GSPT1: variants seen among roughly 807,000 people sequenced by gnomAD.
GSPT1 encodes the protein eukaryotic peptide chain release factor GTP-binding subunit ERF3A.
In GSPT1, 20 loss-of-function variants were observed where a neutral mutation model predicts 72.5. The observed-to-expected ratio is 0.28, with a 90% CI of 0.19 to 0.40. The LOEUF is 0.40. GSPT1 is among the 10% of genes least tolerant of loss of function. The pLI is 1.00. For missense variants in GSPT1, 580 were observed against 811.9 expected, an observed-to-expected ratio of 0.71 and a Z score of 3.47; for synonymous variants, 334 against 293.5, an observed-to-expected ratio of 1.14 and a Z score of -1.41.
rs2141292592 is a variant in GSPT1, at chr16:11,891,114, T to G, written c.724A>C (p.Arg242=). 6.6e-7 allele frequency: 1 copy of G among 1,504,054 alleles called. No homozygotes were observed. The highest frequency in any genetic ancestry group is 2.5e-5 in the East Asian group (1 of 40,264). The allele number at this position is 1,504,054 out of a possible 1,614,324, so 93.2% of individuals were successfully genotyped here. Reference sequence around the variant, plus strand: ...TCTCTTTCATACTTTTCAAGCGTCCTTTTGTCAACCATTCCAGTCAAATAC... The same window carrying G: ...TCTCTTTCATACTTTTCAAGCGTCCGTTTGTCAACCATTCCAGTCAAATAC... ...IMYLTGMVDK[R]TLEKYEREAK... Residue 242 remains arginine, a synonymous_variant, in exon 6 of 15, where the codon AGG becomes CGG. Transcript: ENST00000434724.
At chr16:11,901,926 A>G (rs1343733395) in intron 1 of GSPT1, among the ~76,000 whole-genome samples, 3 of 151,252 alleles carry the variant, frequency 2.0e-5, no homozygotes, top group Non-Finnish European at 4.4e-5. Context: ...GGAAACCCCA[A>G]CTCTACTAAA....
At chr16:11,885,350 G>A (rs1442081657) in intron 9 of GSPT1, 76 bp from the exon 10 acceptor site, 1 of 717,676 alleles carries the variant, frequency 1.4e-6, no homozygotes, top group Admixed American at 2.1e-5. Context: ...ACTATAAACA[G>A]CTTCTAATAA....
chr16:11,898,205 C>G (rs1226037557), intron 1 of GSPT1, among the ~76,000 whole-genome samples, 170 bp from the exon 2 acceptor site: 1 of 152,198 alleles, frequency 6.6e-6, no homozygotes, highest in Admixed American at 6.5e-5. Flanking sequence ...CTCTGCTTAA[C>G]CTACTTTTCA....
intron 1 of GSPT1, 193 bp downstream of exon 1, chr16:11,915,176 G>A: frequency 2.9e-6 from 3 of 1,039,130 alleles, no homozygotes; most frequent in Non-Finnish European, 3.5e-6. Flanking sequence ...TCCGCTCCCC[G>A]CCCGGCCACC....
At position 11,887,820 on chromosome 16, in the gene GSPT1, T is replaced by C. The variant is rs1031952633; in HGVS notation, c.777-70A>G. On this transcript the variant is annotated intron_variant, in intron 6 of 14. Coordinates refer to ENST00000434724, the MANE Select transcript of GSPT1 (RefSeq NM_002094.4). ...GAGTTTTTAGGATATTCTTCACCATTAAAGATATAATGGATGACACACAAC... is the reference window on the plus strand; with the variant it reads ...GAGTTTTTAGGATATTCTTCACCATCAAAGATATAATGGATGACACACAAC... 3.9e-6 allele frequency: 4 copies of C among 1,028,452 alleles called. No homozygotes were observed. The East Asian group carries it at 9.5e-5, about 24-fold the overall frequency. The allele number at this position is 1,028,452 out of a possible 1,614,324, so 63.7% of individuals were successfully genotyped here.
intron 10 of GSPT1, among the ~76,000 whole-genome samples, chr16:11,883,955 T>C (rs1018361268): frequency 6.6e-6 from 1 of 151,898 alleles, no homozygotes; most frequent in South Asian, 2.1e-4. Context: ...GAAGTTTATG[T>C]TGGAAGATCT....
At chr16:11,911,965 T>A (rs2054564370) in intron 1 of GSPT1, among the ~76,000 whole-genome samples, 1 of 143,744 alleles carries the variant, frequency 7.0e-6, no homozygotes. Flanking sequence ...AGTGTTGGGT[T>A]TATAAGTGTG....
intron 1 of GSPT1, among the ~76,000 whole-genome samples, chr16:11,901,654 T>C (rs2054408109): frequency 2.0e-5 from 3 of 150,882 alleles, no homozygotes; most frequent in African/African-American, 7.3e-5. Context: ...AGGCTAGACA[T>C]GGTGGCTCAT....
At chr16:11,882,142 A>G (rs993074122) in intron 11 of GSPT1, 1 of 152,228 alleles carries the variant, frequency 6.6e-6, no homozygotes, top group African/African-American at 2.4e-5. Context: ...TTAGCCAGAT[A>G]TGGTGATGCA....
chr16:11,915,537 T>C lies in GSPT1; in HGVS notation c.184A>G (p.Ser62Gly). The change falls in exon 1 of 15, where the codon AGC becomes GGC. Residue 62 changes from serine (S) to glycine (G), a missense_variant. Physicochemically the swap from Ser to Gly is moderately conservative, Grantham distance 56. Transcript: ENST00000434724. Reference protein sequence around the residue: ...AAAEAQRENLSAAFSRQLNVN... With the variant: ...AAAEAQRENLGAAFSRQLNVN... ...TTGAGTTGCCGGCTGAAGGCCGCGCTGAGGTTCTCCCGCTGGGCCTCGGCC... is the reference window on the plus strand; with the variant it reads ...TTGAGTTGCCGGCTGAAGGCCGCGCCGAGGTTCTCCCGCTGGGCCTCGGCC... 6.6e-7 allele frequency: 1 copy of C among 1,511,174 alleles called. No homozygotes were observed. Among genetic ancestry groups the C allele is most frequent in the Non-Finnish European group, 8.8e-7 (1 of 1,130,638 alleles). The allele number at this position is 1,511,174 out of a possible 1,614,324, so 93.6% of individuals were successfully genotyped here. A position where few individuals can be genotyped will look rare whatever the true frequency, so the allele number is the denominator to read the frequency against.
intron 1 of GSPT1, among the ~76,000 whole-genome samples, chr16:11,898,918 A>C (rs1382857028): frequency 2.0e-5 from 3 of 152,210 alleles, no homozygotes; most frequent in Non-Finnish European, 4.4e-5. Context: ...CCTATACTAG[A>C]ACTCTAAAAC....
chr16:11,903,077 ACT>A (rs2054436671), intron 1 of GSPT1, among the ~76,000 whole-genome samples: 1 of 149,976 alleles, frequency 6.7e-6, no homozygotes, highest in Non-Finnish European at 1.5e-5. Flanking sequence ...TACTGCCCAT[ACT>A]CTCTCCTAGC....
At chr16:11,884,581 G>A (rs529680434) in intron 10 of GSPT1, among the ~76,000 whole-genome samples, 8 of 152,106 alleles carry the variant, frequency 5.3e-5, no homozygotes, top group Non-Finnish European at 7.4e-5. Flanking sequence ...CCAACATGGT[G>A]AAAACCGGTC....
chr16:11,895,031 A>C, intron 4 of GSPT1, 44 bp from the exon 5 acceptor site: 2 of 1,303,796 alleles, frequency 1.5e-6, no homozygotes, highest in Non-Finnish European at 2.2e-6. Flanking sequence ...AAAACCAAAA[A>C]CCAATGGCTA....
At chr16:11,891,259 GTGTC>G (rs1020001820) in intron 5 of GSPT1, 120 bp from the exon 6 acceptor site, 9 of 379,188 alleles carry the variant, frequency 2.4e-5, no homozygotes, top group East Asian at 4.8e-5. Flanking sequence ...TTATATGTGT[GTGTC>G]TGTCTAAAAA....
At chr16:11,887,018 C>A in intron 7 of GSPT1, 87 bp from the exon 8 acceptor site, 5 of 796,196 alleles carry the variant, frequency 6.3e-6, no homozygotes, top group East Asian at 3.2e-5. Context: ...AGTTATATCA[C>A]GAGTTTTTTT....
rs763534900 is a variant in GSPT1, at chr16:11,915,531, C to T, written c.190G>A (p.Ala64Thr). The T allele has an allele frequency of 6.6e-7, 1 of 1,518,856 alleles. No individual in the cohort carries two copies. Among genetic ancestry groups the T allele is most frequent in the Middle Eastern group, 1.7e-4 (1 of 5,800 alleles). 94.1% of individuals were successfully genotyped at this position (1,518,856 alleles called of 1,614,324 possible). A position where few individuals can be genotyped will look rare whatever the true frequency, so the allele number is the denominator to read the frequency against. Residue 64 changes from alanine to threonine, a missense_variant, in exon 1 of 15, where the codon GCC becomes ACC. Coordinates refer to ENST00000434724, the MANE Select transcript of GSPT1 (RefSeq NM_002094.4). ...AEAQRENLSA[A>T]FSRQLNVNAK... ...TTGACGTTGAGTTGCCGGCTGAAGG[C>T]CGCGCTGAGGTTCTCCCGCTGGGCC...
intron 10 of GSPT1, among the ~76,000 whole-genome samples, chr16:11,884,845 G>A (rs1163551712): frequency 6.6e-6 from 1 of 151,204 alleles, no homozygotes; most frequent in Non-Finnish European, 1.5e-5. Context: ...GAGGCAGGTG[G>A]ATCACAAGGT....
chr16:11,911,052 C>G (rs116826738), intron 1 of GSPT1, among the ~76,000 whole-genome samples: 1 of 152,310 alleles, frequency 6.6e-6, no homozygotes, highest in African/African-American at 2.4e-5. Context: ...TGGGGCCTCT[C>G]CTCTACCCCA....
Sources: allele counts gnomAD v4.1 joint callset (sites outside exome capture counted in the v4.1 genomes callset), GRCh38; gene constraint gnomAD v4.1.1; transcripts MANE v1.5; gene names NCBI Gene and HGNC (gene_info 2026-07-23, HGNC 2026-07-21).